The following EYA2 variants were observed in gnomAD, a reference collection of about 807,000 sequenced individuals.
EYA2 encodes the protein protein phosphatase EYA2.
Under a neutral mutation model 69.2 loss-of-function variants are expected in EYA2, and 31 were observed. The observed-to-expected ratio is 0.45, with a 90% CI of 0.34 to 0.60. The LOEUF is 0.60. Among genes scored for constraint, EYA2 ranks in the 20% least tolerant of loss-of-function variants. The probability of loss-of-function intolerance (pLI) is 0.02; values close to 1 mark genes in which losing one functional copy is unlikely to be tolerated. For missense variants in EYA2, 622 were observed against 701.2 expected (o/e 0.89, Z 1.28); for synonymous variants, 257 against 279.4 (o/e 0.92, Z 0.80).
chr20:47,049,373 G>C (rs184934158), intron 5 of EYA2, among the ~76,000 whole-genome samples: 2 of 152,112 alleles, frequency 1.3e-5, no homozygotes, highest in Non-Finnish European at 2.9e-5. Context: ...TCCAGTCAAG[G>C]GTCCCTGATA....
intron 1 of EYA2, among the ~76,000 whole-genome samples, chr20:46,971,675 A>G (rs527473674): frequency 6.6e-6 from 1 of 152,364 alleles, no homozygotes; most frequent in South Asian, 2.1e-4. Context: ...ATTAGCACAG[A>G]TCAGTGGGAC....
intron 11 of EYA2, among the ~76,000 whole-genome samples, chr20:47,171,730 C>A (rs2034325831): frequency 6.6e-6 from 1 of 152,106 alleles, no homozygotes; most frequent in South Asian, 2.1e-4. Context: ...CAAGGGCCTC[C>A]ATCTCCTAAC....
intron 5 of EYA2, among the ~76,000 whole-genome samples, chr20:47,057,139 G>GAGGAAGGA (rs61126274): frequency 0.13 from 17,328 of 128,992 alleles, 1,382 homozygotes; most frequent in East Asian, 0.24. Context: ...AGGAAGGAGG[G>GAGGAAGGA]AGGAAGGAAG....
chr20:47,058,472 G>A (rs1157714552), intron 5 of EYA2, among the ~76,000 whole-genome samples: 2 of 152,222 alleles, frequency 1.3e-5, no homozygotes, highest in Non-Finnish European at 2.9e-5. Flanking sequence ...GGCGTTTATG[G>A]CAGCCTTGCT....
chr20:46,961,658 G>A (rs1312921504), intron 1 of EYA2, among the ~76,000 whole-genome samples: 2 of 152,144 alleles, frequency 1.3e-5, no homozygotes, highest in Non-Finnish European at 2.9e-5. Context: ...AAATGTGGTA[G>A]GTACATATAC....
chr20:47,003,548 A>G (rs1982507352), intron 3 of EYA2, among the ~76,000 whole-genome samples: 1 of 152,238 alleles, frequency 6.6e-6, no homozygotes, highest in Admixed American at 6.5e-5. Flanking sequence ...GAGTGTGTTT[A>G]TGTGCATGCC....
intron 10 of EYA2, among the ~76,000 whole-genome samples, chr20:47,157,863 A>G (rs2033987086): frequency 6.6e-6 from 1 of 152,048 alleles, no homozygotes; most frequent in Non-Finnish European, 1.5e-5. Context: ...AGGAAAGGAT[A>G]AATCTCATCC....
chr20:46,983,285 A>G (rs909834987), intron 1 of EYA2, among the ~76,000 whole-genome samples: 1 of 152,074 alleles, frequency 6.6e-6, no homozygotes, highest in African/African-American at 2.4e-5. Flanking sequence ...ATTGTGTATA[A>G]AACATTGTGG....
At chr20:47,164,020 G>C (rs532843499) in intron 10 of EYA2, among the ~76,000 whole-genome samples, 2 of 152,092 alleles carry the variant, frequency 1.3e-5, no homozygotes, top group African/African-American at 4.8e-5. Context: ...CCCACCCCAA[G>C]ATACTCATAC....
intron 5 of EYA2, among the ~76,000 whole-genome samples, chr20:47,045,924 T>C (rs978710786): frequency 6.6e-6 from 1 of 152,226 alleles, no homozygotes; most frequent in African/African-American, 2.4e-5. Flanking sequence ...GTTCCACAAG[T>C]CTGTGTTGCT....
At chr20:46,963,166 C>T (rs1054661187) in intron 1 of EYA2, among the ~76,000 whole-genome samples, 2 of 152,210 alleles carry the variant, frequency 1.3e-5, no homozygotes, top group Admixed American at 1.3e-4. Context: ...TATCGCATCC[C>T]CAGTCCCCTA....
intron 10 of EYA2, among the ~76,000 whole-genome samples, chr20:47,147,923 G>A (rs150589744): frequency 1.7e-4 from 26 of 152,170 alleles, no homozygotes; most frequent in African/African-American, 5.5e-4. Flanking sequence ...GCCAGGTGTG[G>A]TAGCAGGCGC....
At chr20:47,046,703 G>A (rs891904718) in intron 5 of EYA2, among the ~76,000 whole-genome samples, 3 of 152,198 alleles carry the variant, frequency 2.0e-5, no homozygotes, top group East Asian at 1.9e-4. Context: ...GTCGCCAGGT[G>A]GCTGCGACCA....
At chr20:47,054,821 A>T (rs562241586) in intron 5 of EYA2, among the ~76,000 whole-genome samples, 68 of 152,084 alleles carry the variant, frequency 4.5e-4, no homozygotes, top group African/African-American at 1.5e-3. Flanking sequence ...TTCAGTTTGG[A>T]CTCTCGCACA....
Position 47,180,940 on chromosome 20 carries a change from G to A in EYA2, c.1435+4G>A, listed in dbSNP as rs753124479. 5 of 1,613,472 alleles carry A rather than the reference G, an allele frequency of 3.1e-6. No homozygotes were observed. The highest frequency in any genetic ancestry group is 4.2e-6 in the Non-Finnish European group (5 of 1,179,748). On this transcript the variant is annotated splice_donor_region_variant and intron_variant, in intron 14 of 15. Coordinates refer to ENST00000327619, the MANE Select transcript of EYA2 (RefSeq NM_005244.5). ...ATCTACAGTGCAACCAAGACAGGTA[G>A]GGAGAAGCCACACCTCGGCGGGGAT...
chr20:46,990,966 G>A (rs1050339016), intron 2 of EYA2, among the ~76,000 whole-genome samples: 1 of 152,200 alleles, frequency 6.6e-6, no homozygotes, highest in Admixed American at 6.5e-5. Context: ...AATTATTGCT[G>A]TCAGCAAGAC....
At chr20:46,978,298 A>G in intron 1 of EYA2, 1 of 288,862 alleles carries the variant, frequency 3.5e-6, no homozygotes, top group South Asian at 3.4e-5. Flanking sequence ...TAAATAACTC[A>G]CAAACACCTG....
At chr20:47,061,281 C>A (rs917369035) in intron 5 of EYA2, among the ~76,000 whole-genome samples, 3 of 152,168 alleles carry the variant, frequency 2.0e-5, no homozygotes, top group Non-Finnish European at 2.9e-5. Context: ...AATCTCAGCA[C>A]TTTGGGAGGC....
In EYA2 at chr20:47,143,115, T is replaced by C. The variant is rs1264451967; in HGVS notation, c.945T>C (p.Leu315=). 6.2e-7 allele frequency: 1 copy of C among 1,613,820 alleles called. No homozygotes were observed. The highest frequency in any genetic ancestry group is 8.5e-7 in the Non-Finnish European group (1 of 1,179,856). Residue 315 remains leucine, a synonymous_variant, in exon 10 of 16, where the codon CTT becomes CTC. Coordinates refer to ENST00000327619, the MANE Select transcript of EYA2 (RefSeq NM_005244.5). ...GLMMEEMIFN[L]ADTHLFFNDL... is the part of the protein sequence containing the mutation. ...TGATGGAAGAGATGATCTTCAACCT[T>C]GCAGATACACATCTGTTCTTCAATG...
Sources: gnomAD v4.1 joint callset for allele counts (sites outside exome capture counted in the v4.1 genomes callset) on GRCh38, gnomAD v4.1.1 for gene constraint, MANE v1.5 for transcripts, NCBI Gene and HGNC (gene_info 2026-07-23, HGNC 2026-07-21) for gene names.